DOCK4: variants seen among roughly 807,000 people sequenced by gnomAD.
DOCK4 encodes the protein dedicator of cytokinesis 4.
Under a neutral mutation model 268.1 loss-of-function variants are expected in DOCK4, and 97 were observed. The ratio of observed to expected loss-of-function variants is 0.36; its 90% CI spans 0.31 to 0.43. The LOEUF is 0.43. Ranked by LOEUF, DOCK4 falls within the 20% of genes least tolerant of loss-of-function variation. The pLI is 1.00. For synonymous variants in DOCK4, 954 were observed against 887.2 expected (o/e 1.08, Z -1.34); for missense variants, 2,145 against 2,455.7 (o/e 0.87, Z 2.67).
intron 23 of DOCK4, among the ~76,000 whole-genome samples, chr7:111,852,762 C>T (rs1020999825): frequency 6.6e-6 from 1 of 152,212 alleles, no homozygotes; most frequent in Non-Finnish European, 1.5e-5. Context: ...TTCTCCATTA[C>T]TTGGGCAATG....
chr7:111,961,422 A>G (rs975492115), intron 8 of DOCK4, among the ~76,000 whole-genome samples: 2 of 152,172 alleles, frequency 1.3e-5, no homozygotes, highest in Non-Finnish European at 2.9e-5. Context: ...TACTCTTACC[A>G]TGCTTTCATA....
chr7:111,937,867 A>G (rs1794868696), intron 11 of DOCK4, among the ~76,000 whole-genome samples: 1 of 152,218 alleles, frequency 6.6e-6, no homozygotes, highest in South Asian at 2.1e-4. Flanking sequence ...CCTATGAGTA[A>G]AACTGAGTAG....
At chr7:111,936,485 A>AATGAATGGATGAATGGATGG (rs371416256) in intron 11 of DOCK4, among the ~76,000 whole-genome samples, 74 of 148,176 alleles carry the variant, frequency 5.0e-4, no homozygotes, top group African/African-American at 1.7e-3. Flanking sequence ...CAGTGGTATG[A>AATGAATGGATGAATGGATGG]ATGGATGGAT....
At chr7:112,159,717 C>T (rs1274786696) in intron 1 of DOCK4, among the ~76,000 whole-genome samples, 1 of 149,684 alleles carries the variant, frequency 6.7e-6, no homozygotes, top group Non-Finnish European at 1.5e-5. Flanking sequence ...CACATTTCCA[C>T]AAAATAGTCA....
At chr7:112,081,877 C>G (rs1244516253) in intron 1 of DOCK4, among the ~76,000 whole-genome samples, 5 of 152,138 alleles carry the variant, frequency 3.3e-5, no homozygotes, top group African/African-American at 1.2e-4. Context: ...AGGAAGATCA[C>G]AGAGTAATGC....
chr7:112,187,884 A>T (rs937272281), intron 1 of DOCK4, among the ~76,000 whole-genome samples: 54 of 152,226 alleles, frequency 3.5e-4, no homozygotes, highest in African/African-American at 1.2e-3. Context: ...TGAAAAAGAA[A>T]AGAAGACTTT....
At chr7:112,163,298 T>A (rs2116518244) in intron 1 of DOCK4, among the ~76,000 whole-genome samples, 1 of 152,002 alleles carries the variant, frequency 6.6e-6, no homozygotes, top group East Asian at 1.9e-4. Flanking sequence ...TTTTCTCCCT[T>A]CCTCTGTGCA....
chr7:111,783,019 A>C (rs1299517276), intron 34 of DOCK4, 95 bp from the exon 35 acceptor site: 1,725 of 268,280 alleles, frequency 6.4e-3, no homozygotes, highest in East Asian at 0.035. Context: ...AGAAAGAAAG[A>C]AAAAAAAAAA....
intron 5 of DOCK4, among the ~76,000 whole-genome samples, chr7:111,993,032 C>T (rs1248355738): frequency 6.6e-6 from 1 of 152,206 alleles, no homozygotes; most frequent in Admixed American, 6.5e-5. Context: ...CGCCAATTCA[C>T]CTAAGGTTTC....
At chr7:111,744,694 G>A (rs778678146) in intron 44 of DOCK4, among the ~76,000 whole-genome samples, 1 of 152,140 alleles carries the variant, frequency 6.6e-6, no homozygotes, top group Non-Finnish European at 1.5e-5. Context: ...ATCAATGAAG[G>A]TTAAAGTCAT....
chr7:112,131,713 A>G (rs903064281), intron 1 of DOCK4, among the ~76,000 whole-genome samples: 4 of 152,236 alleles, frequency 2.6e-5, no homozygotes, highest in African/African-American at 7.2e-5. Context: ...CTAATGAGAA[A>G]GAGAAAAAAA....
intron 35 of DOCK4, among the ~76,000 whole-genome samples, chr7:111,782,526 G>A (rs377240183): frequency 8.5e-5 from 13 of 152,172 alleles, no homozygotes; most frequent in African/African-American, 3.1e-4. Context: ...TCTAACAGGG[G>A]ATACAGTGCT....
At chr7:111,995,327 G>T (rs1451369192) in intron 4 of DOCK4, among the ~76,000 whole-genome samples, 1 of 151,880 alleles carries the variant, frequency 6.6e-6, no homozygotes, top group Non-Finnish European at 1.5e-5. Flanking sequence ...CACCGCGCCT[G>T]GCTGAGAAGA....
intron 1 of DOCK4, among the ~76,000 whole-genome samples, chr7:112,094,172 C>A (rs906115614): frequency 1.3e-4 from 20 of 152,000 alleles, no homozygotes; most frequent in African/African-American, 4.8e-4. Flanking sequence ...ACACTCCTTA[C>A]TTCAATAACA....
At chr7:111,729,859 G>A (rs1024884696) in intron 52 of DOCK4, among the ~76,000 whole-genome samples, 1 of 152,178 alleles carries the variant, frequency 6.6e-6, no homozygotes, top group Non-Finnish European at 1.5e-5. Flanking sequence ...GGCAGCCCTC[G>A]GGGCTGTAGC....
intron 13 of DOCK4, among the ~76,000 whole-genome samples, chr7:111,902,921 C>T (rs1791264925): frequency 6.6e-6 from 1 of 152,122 alleles, no homozygotes; most frequent in Admixed American, 6.6e-5. Flanking sequence ...AGGTGCGTGC[C>T]ACCACGCCTG....
intron 1 of DOCK4, among the ~76,000 whole-genome samples, chr7:112,118,940 T>C (rs1812440539): frequency 6.6e-6 from 1 of 152,206 alleles, no homozygotes. Context: ...AGTCTGAATA[T>C]TCAGTGGCCT....
Position 112,188,832 on chromosome 7 carries a change from T to C in DOCK4, c.37+17270A>G, listed in dbSNP as rs533802497. 2.2e-4 allele frequency among the ~76,000 whole-genome samples: 33 copies of C among 152,364 alleles called. No homozygotes were observed. The Middle Eastern group carries it at 0.014, about 63-fold the overall frequency. ...AATGCTCATATACACCCTCATCATA[T>C]AAAAGCAGCATTTTATCCTACTAAA... On this transcript the variant is annotated intron_variant, in intron 1 of 52. Coordinates refer to ENST00000428084, the MANE Select transcript of DOCK4 (RefSeq NM_001363540.2).
chr7:112,151,838 A>G (rs1816118953), intron 1 of DOCK4, among the ~76,000 whole-genome samples: 1 of 151,592 alleles, frequency 6.6e-6, no homozygotes, highest in African/African-American at 2.4e-5. Context: ...ATGACCAAAA[A>G]ACAAAAAACA....
Sources: allele counts gnomAD v4.1 joint callset (sites outside exome capture counted in the v4.1 genomes callset), GRCh38; gene constraint gnomAD v4.1.1; transcripts MANE v1.5; gene names NCBI Gene and HGNC (gene_info 2026-07-23, HGNC 2026-07-21).